Variants in PARD3B observed in about 807,000 individuals in gnomAD.
The protein encoded by PARD3B is partitioning defective 3 homolog B.
PARD3B carries 103 observed loss-of-function variants against 130.2 expected under a neutral mutation model. The ratio of observed to expected loss-of-function variants is 0.79; its 90% CI spans 0.67 to 0.93. The LOEUF (loss-of-function observed/expected upper bound fraction) is 0.93, where lower values mean the gene tolerates loss of function less well. Among genes scored for constraint, PARD3B ranks in the 40% least tolerant of loss-of-function variants. PARD3B has a pLI of 0.00. For missense variants in PARD3B, 1,609 were observed against 1,499.2 expected (o/e 1.07, Z -1.21); for synonymous variants, 583 against 553.2 (o/e 1.05, Z -0.76).
At chr2:205,613,875 C>G (rs996901366) in intron 22 of PARD3B, among the ~76,000 whole-genome samples, 1 of 152,204 alleles carries the variant, frequency 6.6e-6, no homozygotes, top group East Asian at 1.9e-4. Context: ...CCACAGATTA[C>G]AGGGTGATTC....
At chr2:204,580,586 C>T (rs2032503462) in intron 1 of PARD3B, among the ~76,000 whole-genome samples, 1 of 152,180 alleles carries the variant, frequency 6.6e-6, no homozygotes, top group African/African-American at 2.4e-5. Flanking sequence ...AATAACTCCA[C>T]CTGGGCGAGG....
At chr2:205,535,734 G>A (rs2051822268) in intron 21 of PARD3B, among the ~76,000 whole-genome samples, 1 of 152,204 alleles carries the variant, frequency 6.6e-6, no homozygotes, top group African/African-American at 2.4e-5. Flanking sequence ...CCTGTGCAAA[G>A]TGGCTCTGTG....
intron 2 of PARD3B, among the ~76,000 whole-genome samples, chr2:204,703,728 A>G (rs906580468): frequency 1.3e-5 from 2 of 152,192 alleles, no homozygotes; most frequent in Non-Finnish European, 2.9e-5. Flanking sequence ...AATATCATTT[A>G]CTAAATGACC....
chr2:205,509,721 T>C (rs1338152480), intron 21 of PARD3B, among the ~76,000 whole-genome samples: 15 of 152,236 alleles, frequency 9.9e-5, no homozygotes, highest in Non-Finnish European at 2.2e-4. Context: ...AGCCTCTGGA[T>C]TCTCCAGCGC....
chr2:204,671,278 T>C (rs1339888939), intron 1 of PARD3B, among the ~76,000 whole-genome samples: 1 of 152,206 alleles, frequency 6.6e-6, no homozygotes, highest in Non-Finnish European at 1.5e-5. Flanking sequence ...CTGTGCCTGA[T>C]GTCTTAGAGT....
intron 18 of PARD3B, among the ~76,000 whole-genome samples, chr2:205,400,650 A>T (rs1230379330): frequency 2.0e-5 from 3 of 152,058 alleles, no homozygotes; most frequent in Admixed American, 2.0e-4. Flanking sequence ...TCAAAAAAAA[A>T]AAATAAAAAC....
In PARD3B at chr2:204,833,900, A is replaced by T. The variant is rs369155270; in HGVS notation, c.223-131252A>T. Among the ~76,000 whole-genome samples, 67 of 152,216 alleles carry T rather than the reference A, an allele frequency of 4.4e-4. 1 individual carries two copies. Among genetic ancestry groups the T allele is most frequent in the African/African-American group, 1.5e-3 (62 of 41,560 alleles). On this transcript the variant is annotated intron_variant, in intron 2 of 22. Transcript: ENST00000406610. ...GTGACCCACAAGCCCGGAGTGTCCC[A>T]GCCCCACCTACCTCTCCAAATTCAT...
At chr2:205,346,896 C>T (rs985500154) in intron 18 of PARD3B, among the ~76,000 whole-genome samples, 2 of 152,108 alleles carry the variant, frequency 1.3e-5, no homozygotes, top group African/African-American at 4.8e-5. Context: ...TTTTAAATAG[C>T]GCCATTATCC....
Position 204,943,285 on chromosome 2 carries a change from G to A in PARD3B, c.223-21867G>A, listed in dbSNP as rs1188103495. ...TAATTATTTTCTCTCCTAAAAGGAC[G>A]GTGACTGGAAAGATCGCATAGGTCA... On this transcript the variant is annotated intron_variant, in intron 2 of 22. Transcript: ENST00000406610. The surrounding 1 kb of genome is among the most constrained non-coding windows in gnomAD (Gnocchi z 4.2). Among the ~76,000 whole-genome samples, 2 of 151,810 alleles carry A rather than the reference G, an allele frequency of 1.3e-5. No homozygotes were observed. Among genetic ancestry groups the A allele is most frequent in the African/African-American group, 2.4e-5 (1 of 41,314 alleles).
At chr2:205,481,142 G>T (rs930523596) in intron 20 of PARD3B, among the ~76,000 whole-genome samples, 1 of 152,170 alleles carries the variant, frequency 6.6e-6, no homozygotes, top group Admixed American at 6.5e-5. Context: ...TAAACGTGAT[G>T]ACAAGGCAGT....
intron 16 of PARD3B, among the ~76,000 whole-genome samples, chr2:205,279,626 G>A (rs2041112126): frequency 6.6e-6 from 1 of 152,136 alleles, no homozygotes; most frequent in Non-Finnish European, 1.5e-5. Flanking sequence ...TCTGTGCAAT[G>A]TGAGAGTCCT....
At chr2:205,293,175 AG>A (rs1307923840) in intron 16 of PARD3B, among the ~76,000 whole-genome samples, 19 of 152,190 alleles carry the variant, frequency 1.2e-4, no homozygotes, top group Middle Eastern at 3.2e-3. Context: ...CAATATGTAA[AG>A]ATACATTCAT....
chr2:204,599,885 A>T (rs1166720014), intron 1 of PARD3B, among the ~76,000 whole-genome samples: 1 of 151,780 alleles, frequency 6.6e-6, no homozygotes. Flanking sequence ...AGCCATTCTA[A>T]CTGGGGTGAC....
chr2:205,399,769 T>C (rs1356727105), intron 18 of PARD3B, among the ~76,000 whole-genome samples: 1 of 152,212 alleles, frequency 6.6e-6, no homozygotes, highest in African/African-American at 2.4e-5. Context: ...ACTATATACA[T>C]CCCAGGCACT....
At chr2:204,969,916 C>CGTGT (rs368645504) in intron 3 of PARD3B, among the ~76,000 whole-genome samples, 4 of 150,292 alleles carry the variant, frequency 2.7e-5, no homozygotes, top group Admixed American at 6.6e-5. Flanking sequence ...CTTCTCATCC[C>CGTGT]GTGTGTGTGT....
At chr2:204,931,620 A>T (rs147651053) in intron 2 of PARD3B, among the ~76,000 whole-genome samples, 3 of 151,932 alleles carry the variant, frequency 2.0e-5, no homozygotes, top group Admixed American at 6.6e-5. Context: ...TCTCCTAAGG[A>T]AAAAAATAGT....
rs116610834 is a variant in PARD3B, at chr2:204,718,353, G to A, written c.222+32071G>A. The stretch of plus-strand genomic sequence containing the variant: ...GGAGGTTTAATTCACTCACAGTTCT[G>A]CATGGCTGGGGAGGCCTCATGAATC... On this transcript the variant is annotated intron_variant, in intron 2 of 22. Transcript: ENST00000406610. 0.013 allele frequency among the ~76,000 whole-genome samples: 1,908 copies of A among 152,226 alleles called. 75 individuals carry two copies. The East Asian group carries it at 0.14, about 11-fold the overall frequency.
At chr2:205,350,093 G>A (rs928591623) in intron 18 of PARD3B, among the ~76,000 whole-genome samples, 1 of 152,078 alleles carries the variant, frequency 6.6e-6, no homozygotes, top group African/African-American at 2.4e-5. Context: ...GTCTTTATAT[G>A]CCTCTGTTAT....
At chr2:205,062,856 A>G (rs889274038) in intron 4 of PARD3B, among the ~76,000 whole-genome samples, 3 of 152,120 alleles carry the variant, frequency 2.0e-5, no homozygotes, top group African/African-American at 7.2e-5. Context: ...ATGTCTGTAT[A>G]AGAAAATAAA....
Sources: gnomAD v4.1 joint callset for allele counts (sites outside exome capture counted in the v4.1 genomes callset) on GRCh38, gnomAD v4.1.1 for gene constraint, Gnocchi (gnomAD v3.1) non-coding constraint, MANE v1.5 for transcripts, NCBI Gene and HGNC (gene_info 2026-07-23, HGNC 2026-07-21) for gene names.